PCDHGB1: variants seen among roughly 807,000 people sequenced by gnomAD.
The protein encoded by PCDHGB1 is protocadherin gamma subfamily B, 1.
A neutral mutation model predicts 56.6 loss-of-function variants in PCDHGB1; 34 were observed. That is an observed-to-expected ratio of 0.60 (90% CI 0.46 to 0.80). PCDHGB1 has a LOEUF of 0.80. Ranked by LOEUF, PCDHGB1 falls within the 30% of genes least tolerant of loss-of-function variation. PCDHGB1 has a pLI of 0.00. For synonymous variants in PCDHGB1, 561 were observed against 505.9 expected, an observed-to-expected ratio of 1.11 and a Z score of -1.46; for missense variants, 1,278 against 1,204.6, an observed-to-expected ratio of 1.06 and a Z score of -0.90.
chr5:141,376,294 C>G lies in PCDHGB1; in HGVS notation c.2409+23625C>G, dbSNP rs572453488. Reference sequence around the variant, plus strand: ...GAGGTGGCTTAGCGAGCATGCCCGGCTCGCACTTTGTGGGCGTGGAAGGGG... The same window carrying G: ...GAGGTGGCTTAGCGAGCATGCCCGGGTCGCACTTTGTGGGCGTGGAAGGGG... On this transcript the variant is annotated intron_variant, in intron 1 of 3. Transcript: ENST00000523390. 8.7e-6 allele frequency: 14 copies of G among 1,614,226 alleles called. No individual in the cohort carries two copies. The Admixed American group carries it at 2.3e-4, about 27-fold the overall frequency.
Position 141,431,915 on chromosome 5 carries a change from A to G in PCDHGB1, c.2410-62892A>G. 1 of 1,614,040 alleles carries G rather than the reference A, an allele frequency of 6.2e-7. No homozygotes were observed. The highest frequency in any genetic ancestry group is 8.5e-7 in the Non-Finnish European group (1 of 1,179,854). On this transcript the variant is annotated intron_variant, in intron 1 of 3. Coordinates refer to ENST00000523390, the MANE Select transcript of PCDHGB1 (RefSeq NM_018922.3). The surrounding 1 kb of genome is among the most constrained non-coding windows in gnomAD (Gnocchi z 4.8). ...GGAAAACGGACAGGTGATCTGTTTC[A>G]TCCAAGGAAATCTGCCCTTTAAATT...
In PCDHGB1 at chr5:141,489,950, A is replaced by G; in HGVS notation, c.2410-4857A>G. 2 of 1,614,192 alleles carry G rather than the reference A, an allele frequency of 1.2e-6. No individual in the cohort carries two copies. The highest frequency in any genetic ancestry group is 1.1e-5 in the South Asian group (1 of 91,088). ...TCTGTCATCGTGCTGGACATCAATG[A>G]TAATGCTCCAACCTTCCAATCCTCA... On this transcript the variant is annotated intron_variant, in intron 1 of 3. Transcript: ENST00000523390. The surrounding 1 kb of genome is among the most constrained non-coding windows in gnomAD (Gnocchi z 4.5).
intron 1 of PCDHGB1, among the ~76,000 whole-genome samples, chr5:141,425,105 G>C (rs1227234896): frequency 2.0e-5 from 3 of 152,236 alleles, no homozygotes; most frequent in African/African-American, 7.2e-5. Flanking sequence ...TCCAACAGAT[G>C]CCTACATTTT....
chr5:141,476,535 T>C lies in PCDHGB1; in HGVS notation c.2410-18272T>C. 5 of 1,614,038 alleles carry C rather than the reference T, an allele frequency of 3.1e-6. No individual in the cohort carries two copies. The highest frequency in any genetic ancestry group is 4.2e-6 in the Non-Finnish European group (5 of 1,180,010). On this transcript the variant is annotated intron_variant, in intron 1 of 3. Coordinates refer to ENST00000523390, the MANE Select transcript of PCDHGB1 (RefSeq NM_018922.3). The surrounding 1 kb of genome is among the most constrained non-coding windows in gnomAD (Gnocchi z 7.6). ...AATCCTGCTTTCCCTACCCAGGAAA[T>C]GAAATTGGAGATTAGCGAGGCCGTG...
chr5:141,478,594 C>T, intron 1 of PCDHGB1: 2 of 1,569,448 alleles, frequency 1.3e-6, no homozygotes, highest in Non-Finnish European at 1.7e-6. Context: ...TTTTTTATTC[C>T]TACATCATAT....
chr5:141,364,961 C>T, intron 1 of PCDHGB1: 1 of 1,613,964 alleles, frequency 6.2e-7, no homozygotes, highest in Non-Finnish European at 8.5e-7. Flanking sequence ...TCACGACCTC[C>T]TCCTCACAGC....
chr5:141,491,857 G>A lies in PCDHGB1; in HGVS notation c.2410-2950G>A. Reference sequence around the variant, plus strand: ...CTCGGGATCATTGGACCGTTTGCGCGAAACCAGAGTGGCCGATTAAGGGAT... The same window carrying A: ...CTCGGGATCATTGGACCGTTTGCGCAAAACCAGAGTGGCCGATTAAGGGAT... On this transcript the variant is annotated intron_variant, in intron 1 of 3. Transcript: ENST00000523390. This position sits in a 1 kb window ranked among gnomAD's most constrained non-coding sequence, Gnocchi z 6.9. The A allele has an allele frequency of 6.9e-7, 1 of 1,457,470 alleles. No homozygotes were observed. The highest frequency in any genetic ancestry group is 1.5e-5 in the South Asian group (1 of 68,508). The allele number at this position is 1,457,470 out of a possible 1,614,324, so 90.3% of individuals were successfully genotyped here. A position where few individuals can be genotyped will look rare whatever the true frequency, so the allele number is the denominator to read the frequency against.
At position 141,487,128 on chromosome 5, in the gene PCDHGB1, G is replaced by A; in HGVS notation, c.2410-7679G>A. The A allele has an allele frequency of 6.2e-7, 1 of 1,614,086 alleles. No individual in the cohort carries two copies. ...GTCATTGTGGTAAAGGATAGTGGTA[G>A]TCCACCACTCTCTACCTCTGTTACT... is the stretch of plus-strand genomic sequence containing the variant. On this transcript the variant is annotated intron_variant, in intron 1 of 3. Transcript: ENST00000523390. This position sits in a 1 kb window ranked among gnomAD's most constrained non-coding sequence, Gnocchi z 5.0.
intron 1 of PCDHGB1, among the ~76,000 whole-genome samples, chr5:141,400,820 G>A (rs1419111099): frequency 6.6e-6 from 1 of 152,082 alleles, no homozygotes; most frequent in African/African-American, 2.4e-5. Context: ...TTACCTATTC[G>A]TTGTCTCATT....
At chr5:141,399,870 C>CT (rs770811342) in intron 1 of PCDHGB1, 103 of 1,612,856 alleles carry the variant, frequency 6.4e-5, no homozygotes, top group Middle Eastern at 5.4e-4. Context: ...CAGAGCCCGG[C>CT]TACCTGGTGA....
chr5:141,365,714 A>G (rs1764072437), intron 1 of PCDHGB1: 1 of 1,613,646 alleles, frequency 6.2e-7, no homozygotes, highest in Non-Finnish European at 8.5e-7. Flanking sequence ...CACCTCTGTC[A>G]CAGAAAACAA....
chr5:141,494,586 G>A (rs770159202), intron 1 of PCDHGB1, among the ~76,000 whole-genome samples: 1 of 152,112 alleles, frequency 6.6e-6, no homozygotes, highest in Non-Finnish European at 1.5e-5. Context: ...GCTCACTGTG[G>A]TCAGATGAAA....
At chr5:141,410,585 G>A in intron 1 of PCDHGB1, 1 of 1,610,012 alleles carries the variant, frequency 6.2e-7, no homozygotes, top group South Asian at 1.1e-5. Flanking sequence ...TCATGGTGGG[G>A]AGGATTTGAC....
At chr5:141,358,195 A>T (rs559791322) in intron 1 of PCDHGB1, among the ~76,000 whole-genome samples, 1 of 152,316 alleles carries the variant, frequency 6.6e-6, no homozygotes, top group East Asian at 1.9e-4. Context: ...GTCTCCAAAA[A>T]GTAAAATAAA....
rs749044339 is a variant in PCDHGB1, at chr5:141,477,410, G to A, written c.2410-17397G>A. On this transcript the variant is annotated intron_variant, in intron 1 of 3. Coordinates refer to ENST00000523390, the MANE Select transcript of PCDHGB1 (RefSeq NM_018922.3). This position sits in a 1 kb window ranked among gnomAD's most constrained non-coding sequence, Gnocchi z 4.9. ...CAACCTCAGCATCACCGCCCGAGAC[G>A]CCGGAACCCCTTCCCTCTCAGCCCT... 66 of 1,613,988 alleles carry A rather than the reference G, an allele frequency of 4.1e-5. 1 individual carries two copies. The South Asian group carries it at 7.0e-4, about 17-fold the overall frequency.
chr5:141,389,094 A>G (rs2091600869), intron 1 of PCDHGB1: 4 of 1,613,928 alleles, frequency 2.5e-6, no homozygotes, highest in Admixed American at 1.7e-5. Flanking sequence ...TAAATTAGTG[A>G]CAGATGCTGT....
At chr5:141,500,326 A>T (rs1041431019) in intron 2 of PCDHGB1, among the ~76,000 whole-genome samples, 7 of 152,022 alleles carry the variant, frequency 4.6e-5, no homozygotes, top group Non-Finnish European at 1.0e-4. Context: ...CTCCTGCCTC[A>T]GCCTCCAGAA....
At chr5:141,384,938 C>T (rs754481008) in intron 1 of PCDHGB1, 26 of 1,613,824 alleles carry the variant, frequency 1.6e-5, no homozygotes, top group Non-Finnish European at 2.2e-5. Flanking sequence ...AGCCTTGAGC[C>T]CTCCGACGGT....
chr5:141,490,111 A>G lies in PCDHGB1; in HGVS notation c.2410-4696A>G. 6.2e-7 allele frequency: 1 copy of G among 1,614,244 alleles called. No individual in the cohort carries two copies. The highest frequency in any genetic ancestry group is 8.5e-7 in the Non-Finnish European group (1 of 1,180,042). On this transcript the variant is annotated intron_variant, in intron 1 of 3. Coordinates refer to ENST00000523390, the MANE Select transcript of PCDHGB1 (RefSeq NM_018922.3). The surrounding 1 kb of genome is among the most constrained non-coding windows in gnomAD (Gnocchi z 5.4). ...AGACCACACATCTGAGGCAGTGCGGAACCTCTTTGGCCTAGACCCTAGCAG... is the reference window on the plus strand; with the variant it reads ...AGACCACACATCTGAGGCAGTGCGGGACCTCTTTGGCCTAGACCCTAGCAG...
Sources: allele counts gnomAD v4.1 joint callset (sites outside exome capture counted in the v4.1 genomes callset), GRCh38; gene constraint gnomAD v4.1.1; non-coding constraint Gnocchi (gnomAD v3.1); transcripts MANE v1.5; gene names NCBI Gene and HGNC (gene_info 2026-07-23, HGNC 2026-07-21).